The following MLANA variants were observed in gnomAD, a reference collection of about 807,000 sequenced individuals.
MLANA encodes melanoma antigen recognized by T-cells 1.
Under a neutral mutation model 15.7 loss-of-function variants are expected in MLANA, and 21 were observed. That is an observed-to-expected ratio of 1.33 (90% CI 0.95 to 1.92). The LOEUF is 1.92. Ranked by LOEUF, MLANA falls within the 40% of genes most tolerant of loss-of-function variation. The probability of loss-of-function intolerance (pLI) is 0.00; values close to 1 mark genes in which losing one functional copy is unlikely to be tolerated. For missense variants in MLANA, 164 were observed against 143.8 expected (o/e 1.14, Z -0.72); for synonymous variants, 56 against 51.5 (o/e 1.09, Z -0.37).
chr9:5,910,133 TA>T lies in MLANA; in HGVS notation c.*1428del. 1 of 152,354 alleles carries T rather than the reference TA, an allele frequency of 6.6e-6. No individual in the cohort carries two copies. The highest frequency in any genetic ancestry group is 1.9e-4 in the East Asian group (1 of 5,190). 9.4% of individuals were successfully genotyped at this position (152,354 alleles called of 1,614,324 possible). ...AGATTAACAAGGATCAGAGAAAAGT[TA>T]AAGGCTGTCTTTGACATAACTGGAA... On this transcript the variant is annotated 3_prime_UTR_variant, in exon 5 of 5. Transcript: ENST00000381477.
intron 1 of MLANA, among the ~76,000 whole-genome samples, chr9:5,891,604 C>T (rs1831661605): frequency 6.6e-6 from 1 of 152,064 alleles, no homozygotes; most frequent in African/African-American, 2.4e-5. Flanking sequence ...GAAAAATACA[C>T]AATAATAAGG....
chr9:5,907,211 T>G (rs760815234), intron 4 of MLANA: 2 of 324,084 alleles, frequency 6.2e-6, no homozygotes, highest in Non-Finnish European at 5.5e-6. Flanking sequence ...AGTACAGATA[T>G]TTTCTTAATT....
Position 5,908,901 on chromosome 9 carries a change from T to C in MLANA, c.*193T>C, listed in dbSNP as rs1484416616. On this transcript the variant is annotated 3_prime_UTR_variant, in exon 5 of 5. Transcript: ENST00000381477. ...CATGTGAGGAAATGATGAGAAATATTAAATTGGGAAAACTCCATCAATAAA... is the reference window on the plus strand; with the variant it reads ...CATGTGAGGAAATGATGAGAAATATCAAATTGGGAAAACTCCATCAATAAA... 1.8e-6 allele frequency: 1 copy of C among 563,512 alleles called. No homozygotes were observed. Among genetic ancestry groups the C allele is most frequent in the Non-Finnish European group, 3.1e-6 (1 of 319,014 alleles). 34.9% of individuals were successfully genotyped at this position (563,512 alleles called of 1,614,324 possible).
rs1832970511 is a variant in MLANA at position 5,908,666 on chromosome 9, G to C, written c.315G>C (p.Glu105Asp). Residue 105 changes from glutamate (E) to aspartate (D), a missense_variant, in exon 5 of 5, where the codon GAG (glutamate) becomes GAC (aspartate). Glu to Asp is a conservative substitution (Grantham distance 45). Coordinates refer to ENST00000381477, the MANE Select transcript of MLANA (RefSeq NM_005511.2). The part of the protein sequence containing the change: ...PVVPNAPPAY[E>D]KLSAEQSPPP... ...TTCCCAATGCTCCACCTGCTTATGA[G>C]AAACTCTCTGCAGAACAGTCACCAC... 6.2e-7 allele frequency: 1 copy of C among 1,613,968 alleles called. No homozygotes were observed. Among genetic ancestry groups the C allele is most frequent in the Admixed American group, 1.7e-5 (1 of 59,998 alleles).
chr9:5,897,017 C>T (rs968926412), intron 2 of MLANA, among the ~76,000 whole-genome samples: 2 of 152,192 alleles, frequency 1.3e-5, no homozygotes, highest in African/African-American at 4.8e-5. Flanking sequence ...TGATCACCAG[C>T]GAGTCATGTA....
In MLANA at chr9:5,908,671, T is replaced by G. The variant is rs762353589; in HGVS notation, c.320T>G (p.Leu107Arg). 1 of 1,614,118 alleles carries G rather than the reference T, an allele frequency of 6.2e-7. No homozygotes were observed. The highest frequency in any genetic ancestry group is 1.1e-5 in the South Asian group (1 of 91,082). ...AATGCTCCACCTGCTTATGAGAAAC[T>G]CTCTGCAGAACAGTCACCACCACCT... is the stretch of plus-strand genomic sequence containing the variant. Reference protein sequence around the residue: ...VPNAPPAYEKLSAEQSPPPYS... With the variant: ...VPNAPPAYEKRSAEQSPPPYS... The change falls in exon 5 of 5, where the codon CTC (leucine) becomes CGC (arginine). Residue 107 changes from leucine (L) to arginine (R), a missense_variant. By Grantham distance (102) the Leu-to-Arg change is moderately radical (BLOSUM62 -2). Coordinates refer to ENST00000381477, the MANE Select transcript of MLANA (RefSeq NM_005511.2).
rs556751731 is a variant in MLANA at position 5,893,804 on chromosome 9, G to A, written c.77+1253G>A. Among the ~76,000 whole-genome samples the A allele has an allele frequency of 5.3e-5, 8 of 152,206 alleles. No homozygotes were observed. In the South Asian group the frequency reaches 6.2e-4, roughly 12 times the overall value. On this transcript the variant is annotated intron_variant, in intron 2 of 4. Transcript: ENST00000381477. The stretch of plus-strand genomic sequence containing the variant: ...TTGTCCCCATGGCTGAAGATGTTGT[G>A]CCATCACCTCCACATCTTGCCAACA...
chr9:5,897,485 C>G, intron 2 of MLANA, 72 bp from the exon 3 acceptor site: 1 of 1,381,194 alleles, frequency 7.2e-7, no homozygotes, highest in Non-Finnish European at 1.0e-6. Flanking sequence ...AAGAGGAAGA[C>G]TGATTTATGC....
intron 2 of MLANA, among the ~76,000 whole-genome samples, chr9:5,895,300 G>A (rs1304641621): frequency 6.6e-6 from 1 of 152,006 alleles, no homozygotes; most frequent in Non-Finnish European, 1.5e-5. Context: ...AATGTCAAAA[G>A]TCATTCCTCT....
At chr9:5,904,744 C>A (rs1002143723) in intron 3 of MLANA, among the ~76,000 whole-genome samples, 5 of 150,490 alleles carry the variant, frequency 3.3e-5, no homozygotes, top group African/African-American at 1.2e-4. Flanking sequence ...GGATTACAGG[C>A]GTGAGCCACC....
chr9:5,892,746 G>T (rs535000437), intron 2 of MLANA, among the ~76,000 whole-genome samples, 195 bp downstream of exon 2: 1 of 152,330 alleles, frequency 6.6e-6, no homozygotes, highest in East Asian at 1.9e-4. Context: ...AGGCCAAACA[G>T]GCAGGAAGAT....
chr9:5,893,902 AC>A (rs1831829549), intron 2 of MLANA, among the ~76,000 whole-genome samples: 1 of 83,134 alleles, frequency 1.2e-5, no homozygotes, highest in Non-Finnish European at 2.3e-5. Flanking sequence ...TTATTGCTCC[AC>A]CCCCGCCCCC....
chr9:5,905,063 G>A (rs191870972), intron 3 of MLANA, among the ~76,000 whole-genome samples: 4 of 152,144 alleles, frequency 2.6e-5, no homozygotes, highest in South Asian at 2.1e-4. Flanking sequence ...GTGAGCCACC[G>A]TGCCCGGCCT....
chr9:5,904,451 C>A (rs970609021), intron 3 of MLANA, among the ~76,000 whole-genome samples: 1 of 152,050 alleles, frequency 6.6e-6, no homozygotes, highest in Non-Finnish European at 1.5e-5. Context: ...CATTTTCTCT[C>A]CTTTCTTGGC....
At chr9:5,903,741 G>A (rs1368030645) in intron 3 of MLANA, among the ~76,000 whole-genome samples, 3 of 152,098 alleles carry the variant, frequency 2.0e-5, no homozygotes, top group African/African-American at 7.2e-5. Context: ...CACCTTTATC[G>A]TTATGTAATA....
intron 2 of MLANA, among the ~76,000 whole-genome samples, chr9:5,893,513 T>C (rs1420800700): frequency 6.6e-6 from 1 of 152,112 alleles, no homozygotes; most frequent in African/African-American, 2.4e-5. Context: ...CAGAAGACCC[T>C]GGTATAGGAT....
chr9:5,905,556 C>G (rs538875068), intron 3 of MLANA, among the ~76,000 whole-genome samples: 1 of 152,202 alleles, frequency 6.6e-6, no homozygotes, highest in Non-Finnish European at 1.5e-5. Context: ...CAAACTGACT[C>G]TGGTATAGCA....
chr9:5,899,497 C>T (rs1586936942), intron 3 of MLANA, among the ~76,000 whole-genome samples: 1 of 152,074 alleles, frequency 6.6e-6, no homozygotes. Flanking sequence ...AGTGTGCTGA[C>T]ATCTAGTGGG....
intron 3 of MLANA, chr9:5,898,276 T>G (rs533268107): frequency 6.6e-6 from 1 of 152,582 alleles, no homozygotes; most frequent in Non-Finnish European, 1.5e-5. Flanking sequence ...CTCAAACTCC[T>G]GGGCTAAAGT....
Sources: allele counts gnomAD v4.1 joint callset (sites outside exome capture counted in the v4.1 genomes callset), GRCh38; gene constraint gnomAD v4.1.1; transcripts MANE v1.5; gene names NCBI Gene and HGNC (gene_info 2026-07-23, HGNC 2026-07-21).